The following NT5DC1 variants were observed in gnomAD, a reference collection of about 807,000 sequenced individuals.
NT5DC1 encodes 5'-nucleotidase domain-containing protein 1.
Under a neutral mutation model 59.4 loss-of-function variants are expected in NT5DC1, and 42 were observed. The observed-to-expected ratio is 0.71, with a 90% CI of 0.55 to 0.92. The LOEUF is 0.92. NT5DC1 is among the 40% of genes least tolerant of loss of function. The pLI is 0.00. For missense variants in NT5DC1, 501 were observed against 537.1 expected (o/e 0.93, Z 0.66); for synonymous variants, 172 against 188.1 (o/e 0.91, Z 0.70).
Position 116,243,987 on chromosome 6 carries a change from T to A in NT5DC1, c.1331T>A (p.Leu444Gln). The A allele has an allele frequency of 6.4e-7, 1 of 1,552,678 alleles. No homozygotes were observed. The highest frequency in any genetic ancestry group is 8.9e-7 in the Non-Finnish European group (1 of 1,129,574). Residue 444 changes from leucine to glutamine, a missense_variant, in exon 12 of 12, where the codon CTG (leucine) becomes CAG (glutamine). By Grantham distance (113) the Leu-to-Gln change is moderately radical. Coordinates refer to ENST00000319550, the MANE Select transcript of NT5DC1 (RefSeq NM_152729.3). Reference protein sequence around the residue: ...KTAGYYPNPPLVLSSDETLIS... With the variant: ...KTAGYYPNPPQVLSSDETLIS... Reference sequence around the variant, plus strand: ...GCTGGCTACTATCCAAATCCTCCACTGGTCTTATCAAGTGATGAGACACTG... The same window carrying A: ...GCTGGCTACTATCCAAATCCTCCACAGGTCTTATCAAGTGATGAGACACTG...
chr6:116,235,328 A>G (rs73773829), intron 8 of NT5DC1, among the ~76,000 whole-genome samples: 5,622 of 152,222 alleles, frequency 0.037, 158 homozygotes, highest in African/African-American at 0.073. Flanking sequence ...AATATGCTGA[A>G]TCTTCTTAGA....
At chr6:116,194,566 A>C (rs959583297) in intron 6 of NT5DC1, among the ~76,000 whole-genome samples, 3 of 152,068 alleles carry the variant, frequency 2.0e-5, no homozygotes, top group Non-Finnish European at 4.4e-5. Context: ...TAAAGTTAGC[A>C]GTGGCCAGTA....
At chr6:116,209,059 A>G (rs1006745554) in intron 6 of NT5DC1, among the ~76,000 whole-genome samples, 1 of 152,048 alleles carries the variant, frequency 6.6e-6, no homozygotes, top group Non-Finnish European at 1.5e-5. Context: ...AGTCTCTTAA[A>G]TTGATGATTT....
chr6:116,243,932 A>T lies in NT5DC1; in HGVS notation c.1276A>T (p.Thr426Ser), dbSNP rs1562179680. Residue 426 changes from threonine (T) to serine (S), a missense_variant, in exon 12 of 12, where the codon ACA becomes TCA. Coordinates refer to ENST00000319550, the MANE Select transcript of NT5DC1 (RefSeq NM_152729.3). The stretch of plus-strand genomic sequence containing the variant: ...AGAATTACCTCTGGACTACAAATTT[A>T]CAAGATTCTCTTCAAGCAATTCAAA... ...IAELPLDYKF[T>S]RFSSSNSKTA... The T allele has an allele frequency of 1.3e-6, 2 of 1,551,694 alleles. No homozygotes were observed. The highest frequency in any genetic ancestry group is 1.8e-6 in the Non-Finnish European group (2 of 1,129,302).
At chr6:116,127,441 A>G (rs1231081026) in intron 6 of NT5DC1, among the ~76,000 whole-genome samples, 1 of 152,190 alleles carries the variant, frequency 6.6e-6, no homozygotes, top group Non-Finnish European at 1.5e-5. Flanking sequence ...TCATAGATAC[A>G]TATAAAATAT....
intron 6 of NT5DC1, chr6:116,126,029 G>A (rs549422546): frequency 7.0e-5 from 11 of 156,218 alleles, no homozygotes; most frequent in African/African-American, 2.6e-4. Context: ...TAACATGGAA[G>A]TCCACCAGTA....
intron 11 of NT5DC1, among the ~76,000 whole-genome samples, chr6:116,242,000 GTTTAA>G (rs1411394471): frequency 6.8e-6 from 1 of 147,312 alleles, no homozygotes; most frequent in Non-Finnish European, 1.5e-5. Context: ...TTAGTAAAAT[GTTTAA>G]TTTAAACCTG....
At chr6:116,105,236 T>C (rs1778746628) in intron 1 of NT5DC1, among the ~76,000 whole-genome samples, 1 of 152,180 alleles carries the variant, frequency 6.6e-6, no homozygotes, top group Admixed American at 6.5e-5. Context: ...TTTCTGAACC[T>C]GAGTTGCCCC....
At chr6:116,238,885 A>G (rs1782174392) in intron 10 of NT5DC1, 70 bp from the exon 11 acceptor site, 1 of 1,002,312 alleles carries the variant, frequency 1.0e-6, no homozygotes, top group Non-Finnish European at 1.5e-6. Context: ...TATTTACTTA[A>G]TAGACAAAAA....
chr6:116,139,359 A>G (rs1779706344), intron 6 of NT5DC1, among the ~76,000 whole-genome samples: 1 of 152,160 alleles, frequency 6.6e-6, no homozygotes, highest in African/African-American at 2.4e-5. Flanking sequence ...TACAATTATT[A>G]TATTTTGAAT....
intron 1 of NT5DC1, among the ~76,000 whole-genome samples, chr6:116,105,309 C>T: frequency 6.6e-6 from 1 of 152,132 alleles, no homozygotes; most frequent in East Asian, 1.9e-4. Context: ...ACCTCACTAC[C>T]CAGGAGAGAT....
intron 6 of NT5DC1, among the ~76,000 whole-genome samples, chr6:116,124,234 T>C (rs547845924): frequency 6.6e-6 from 1 of 152,224 alleles, no homozygotes; most frequent in East Asian, 1.9e-4. Flanking sequence ...AAAAGCATAA[T>C]ATTTAAACTT....
At position 116,236,986 on chromosome 6, in the gene NT5DC1, G is replaced by T; in HGVS notation, c.823G>T (p.Ala275Ser). 6.2e-7 allele frequency: 1 copy of T among 1,602,172 alleles called. No individual in the cohort carries two copies. Among genetic ancestry groups the T allele is most frequent in the Non-Finnish European group, 8.6e-7 (1 of 1,169,292 alleles). ...TTCAGAGAATGATGAGGAGCAGGAGGCACTGCCATCTCTGGATAAACCTGG... is the reference window on the plus strand; with the variant it reads ...TTCAGAGAATGATGAGGAGCAGGAGTCACTGCCATCTCTGGATAAACCTGG... ...RTLENDEEQEALPSLDKPGWY... is the reference protein window; with the variant it reads ...RTLENDEEQESLPSLDKPGWY... The change falls in exon 9 of 12, where the codon GCA becomes TCA. Residue 275 changes from alanine to serine, a missense_variant. Coordinates refer to ENST00000319550, the MANE Select transcript of NT5DC1 (RefSeq NM_152729.3).
chr6:116,232,720 A>G (rs1782041521), intron 8 of NT5DC1, among the ~76,000 whole-genome samples: 1 of 152,116 alleles, frequency 6.6e-6, no homozygotes, highest in Non-Finnish European at 1.5e-5. Context: ...CCTTGACTGT[A>G]TCATTGTCCC....
At chr6:116,181,168 C>T (rs571282955) in intron 6 of NT5DC1, among the ~76,000 whole-genome samples, 1 of 151,804 alleles carries the variant, frequency 6.6e-6, no homozygotes, top group Non-Finnish European at 1.5e-5. Flanking sequence ...GTTATACTCA[C>T]CTCTCTACTG....
chr6:116,183,874 A>G (rs1319600028), intron 6 of NT5DC1, among the ~76,000 whole-genome samples: 2 of 151,952 alleles, frequency 1.3e-5, no homozygotes, highest in African/African-American at 4.8e-5. Flanking sequence ...CTCTTTGCCA[A>G]TTTGGATACC....
chr6:116,133,587 T>C (rs73564698), intron 6 of NT5DC1, among the ~76,000 whole-genome samples: 86 of 152,200 alleles, frequency 5.7e-4, no homozygotes, highest in African/African-American at 1.8e-3. Context: ...TCAAAACGGA[T>C]ACTTATGCAG....
Position 116,110,721 on chromosome 6 carries a change from G to A in NT5DC1, c.258-129G>A. Reference sequence around the variant, plus strand: ...AGAATCCTAAACAGGGAGGCACCCAGTTGAAAACAGAAAAAATACATATGT... The same window carrying A: ...AGAATCCTAAACAGGGAGGCACCCAATTGAAAACAGAAAAAATACATATGT... On this transcript the variant is annotated intron_variant, in intron 3 of 11. Coordinates refer to ENST00000319550, the MANE Select transcript of NT5DC1 (RefSeq NM_152729.3). 3 of 753,926 alleles carry A rather than the reference G, an allele frequency of 4.0e-6. No individual in the cohort carries two copies. In the East Asian group the frequency reaches 7.9e-5, roughly 20 times the overall value. 46.7% of individuals were successfully genotyped at this position (753,926 alleles called of 1,614,324 possible).
intron 1 of NT5DC1, among the ~76,000 whole-genome samples, chr6:116,105,796 G>T (rs913066092): frequency 6.6e-6 from 1 of 151,826 alleles, no homozygotes; most frequent in African/African-American, 2.4e-5. Flanking sequence ...TCTGATAGAG[G>T]CATCATGACT....
Sources: allele counts gnomAD v4.1 joint callset (sites outside exome capture counted in the v4.1 genomes callset), GRCh38; gene constraint gnomAD v4.1.1; transcripts MANE v1.5; gene names NCBI Gene and HGNC (gene_info 2026-07-23, HGNC 2026-07-21).